LCORL: variants seen among roughly 807,000 people sequenced by gnomAD.
The protein encoded by LCORL is ligand-dependent nuclear receptor corepressor-like protein.
In LCORL, 41 loss-of-function variants were observed where a neutral mutation model predicts 141.8. The observed-to-expected ratio is 0.29, with a 90% CI of 0.23 to 0.38. The LOEUF is 0.38. Among genes scored for constraint, LCORL ranks in the 10% least tolerant of loss-of-function variants. The pLI is 1.00. For missense variants in LCORL, 1,759 were observed against 2,035.0 expected, an observed-to-expected ratio of 0.86 and a Z score of 2.61; for synonymous variants, 618 against 694.1, an observed-to-expected ratio of 0.89 and a Z score of 1.72.
At chr4:17,932,314 T>G (rs915562697) in intron 4 of LCORL, among the ~76,000 whole-genome samples, 4 of 152,184 alleles carry the variant, frequency 2.6e-5, no homozygotes, top group African/African-American at 9.6e-5. Flanking sequence ...TTTATTTTTC[T>G]CTCTTCCTGT....
At chr4:17,950,097 T>G (rs928900386) in intron 4 of LCORL, among the ~76,000 whole-genome samples, 1 of 152,130 alleles carries the variant, frequency 6.6e-6, no homozygotes. Flanking sequence ...GTGGAAAGTG[T>G]AAAGATGATA....
At chr4:17,995,087 G>A (rs1183529361) in intron 1 of LCORL, among the ~76,000 whole-genome samples, 1 of 152,018 alleles carries the variant, frequency 6.6e-6, no homozygotes, top group East Asian at 1.9e-4. Flanking sequence ...CAGCCACAGT[G>A]CCATATTTAC....
chr4:17,842,354 C>A (rs1394481753), exon 8 of LCORL: 1 of 1,612,142 alleles, frequency 6.2e-7, no homozygotes, highest in Admixed American at 1.7e-5. Flanking sequence ...CAGGAGGTGT[C>A]AGACTGCTGA....
At chr4:17,842,395 C>T (rs1722497260) in exon 8 of LCORL, 1 of 1,604,340 alleles carries the variant, frequency 6.2e-7, no homozygotes, top group African/African-American at 1.3e-5. Flanking sequence ...TCATGCATGT[C>T]TAGAATATAT....
intron 5 of LCORL, among the ~76,000 whole-genome samples, chr4:17,906,013 T>C (rs1346449942): frequency 6.6e-6 from 1 of 152,206 alleles, no homozygotes; most frequent in Non-Finnish European, 1.5e-5. Flanking sequence ...TTCTAAAGTA[T>C]ATTATCATTC....
intron 1 of LCORL, among the ~76,000 whole-genome samples, chr4:17,999,595 AAT>A (rs1289656995): frequency 2.0e-5 from 3 of 152,260 alleles, no homozygotes; most frequent in Non-Finnish European, 4.4e-5. Context: ...TGACTATACA[AAT>A]AAGTAATTTG....
At chr4:17,866,227 T>C (rs1160630283) in intron 7 of LCORL, among the ~76,000 whole-genome samples, 1 of 152,192 alleles carries the variant, frequency 6.6e-6, no homozygotes, top group Non-Finnish European at 1.5e-5. Context: ...CTTGGCCTAG[T>C]TAATTCCTCC....
At chr4:17,889,116 C>A (rs868468675) in intron 5 of LCORL, among the ~76,000 whole-genome samples, 1 of 152,114 alleles carries the variant, frequency 6.6e-6, no homozygotes. Flanking sequence ...CTACTTGGGG[C>A]AATAAAGGTT....
At chr4:17,842,461 G>A (rs549682625) in exon 8 of LCORL, 16 of 1,031,926 alleles carry the variant, frequency 1.6e-5, no homozygotes, top group East Asian at 2.5e-5. Flanking sequence ...ATTTTCTTGC[G>A]AATGAGAGAG....
chr4:17,948,144 T>C (rs1007113771), intron 4 of LCORL, among the ~76,000 whole-genome samples: 2 of 151,852 alleles, frequency 1.3e-5, no homozygotes, highest in African/African-American at 2.4e-5. Flanking sequence ...GCCAAGAAAA[T>C]ATGAACACCT....
At chr4:17,930,149 G>C (rs1260130259) in intron 4 of LCORL, among the ~76,000 whole-genome samples, 1 of 152,204 alleles carries the variant, frequency 6.6e-6, no homozygotes, top group African/African-American at 2.4e-5. Context: ...CTCATACAAT[G>C]TTGGTGGCAA....
At chr4:17,959,474 A>G (rs145625407) in intron 4 of LCORL, among the ~76,000 whole-genome samples, 475 of 152,126 alleles carry the variant, frequency 3.1e-3, no homozygotes, top group Middle Eastern at 0.02. Flanking sequence ...AACAGTACTT[A>G]CCCTCTTAAT....
intron 4 of LCORL, among the ~76,000 whole-genome samples, chr4:17,919,419 T>C (rs985979991): frequency 1.3e-5 from 2 of 152,054 alleles, no homozygotes; most frequent in Admixed American, 6.5e-5. Context: ...ATATCAAAAC[T>C]AGAGAAAGCA....
chr4:17,943,785 T>A (rs968380872), intron 4 of LCORL, among the ~76,000 whole-genome samples: 1 of 152,114 alleles, frequency 6.6e-6, no homozygotes, highest in Non-Finnish European at 1.5e-5. Flanking sequence ...CTTTGGTTTT[T>A]AAAACATTTT....
At chr4:17,872,768 C>G (rs1726501193) in intron 7 of LCORL, among the ~76,000 whole-genome samples, 1 of 152,072 alleles carries the variant, frequency 6.6e-6, no homozygotes, top group Admixed American at 6.6e-5. Context: ...TGTCTGATAT[C>G]AAAAAACTAC....
chr4:18,007,865 A>G (rs6849629), intron 1 of LCORL, among the ~76,000 whole-genome samples: 36,984 of 152,040 alleles, frequency 0.24, 5,864 homozygotes, highest in African/African-American at 0.45. Flanking sequence ...GGCAAATTCT[A>G]TTCTATTTAT....
chr4:17,946,106 A>C (rs1738835738), intron 4 of LCORL, among the ~76,000 whole-genome samples: 1 of 152,026 alleles, frequency 6.6e-6, no homozygotes, highest in Non-Finnish European at 1.5e-5. Flanking sequence ...TGTAAACATC[A>C]GTTCTCATAA....
chr4:17,906,725 T>A (rs1010314439), intron 5 of LCORL, among the ~76,000 whole-genome samples: 1 of 151,188 alleles, frequency 6.6e-6, no homozygotes, highest in Non-Finnish European at 1.5e-5. Context: ...TCTTGCTCTG[T>A]TGCCAGGCTG....
chr4:18,002,421 T>C (rs567504846), intron 1 of LCORL, among the ~76,000 whole-genome samples: 12 of 152,032 alleles, frequency 7.9e-5, no homozygotes, highest in Admixed American at 2.0e-4. Flanking sequence ...AAAAACCTTC[T>C]GGGTTCTAGA....
Sources: gnomAD v4.1 joint callset for allele counts (sites outside exome capture counted in the v4.1 genomes callset) on GRCh38, gnomAD v4.1.1 for gene constraint, MANE v1.5 for transcripts, NCBI Gene and HGNC (gene_info 2026-07-23, HGNC 2026-07-21) for gene names.